The following ST6GALNAC3 variants were observed in gnomAD, a reference collection of about 807,000 sequenced individuals.
ST6GALNAC3 encodes the protein ST6 N-acetylgalactosaminide alpha-2,6-sialyltransferase 3.
ST6GALNAC3 carries 25 observed loss-of-function variants against 32.7 expected under a neutral mutation model. That is an observed-to-expected ratio of 0.76 (90% CI 0.56 to 1.07). The LOEUF (loss-of-function observed/expected upper bound fraction) is 1.07. ST6GALNAC3 is among the 50% of genes least tolerant of loss of function. The pLI is 0.00. For synonymous variants in ST6GALNAC3, 129 were observed against 133.1 expected (o/e 0.97, Z 0.21); for missense variants, 355 against 382.4 (o/e 0.93, Z 0.60).
At chr1:76,182,949 C>G (rs1016973039) in intron 1 of ST6GALNAC3, among the ~76,000 whole-genome samples, 4 of 151,936 alleles carry the variant, frequency 2.6e-5, no homozygotes, top group African/African-American at 9.7e-5. Flanking sequence ...GCAAAATTGT[C>G]CCATTTGAGA....
intron 1 of ST6GALNAC3, among the ~76,000 whole-genome samples, chr1:76,238,747 A>G (rs749830298): frequency 1.1e-4 from 17 of 152,166 alleles, no homozygotes; most frequent in Admixed American, 3.3e-4. Flanking sequence ...CTCAGGTGGA[A>G]GAGTTGAAGT....
At chr1:76,597,395 A>C (rs1156423305) in intron 3 of ST6GALNAC3, among the ~76,000 whole-genome samples, 1 of 152,038 alleles carries the variant, frequency 6.6e-6, no homozygotes, top group Admixed American at 6.6e-5. Flanking sequence ...ATTCTCCCCC[A>C]CACAGCCCAG....
At chr1:76,303,682 G>C (rs1357168678) in intron 1 of ST6GALNAC3, among the ~76,000 whole-genome samples, 1 of 151,986 alleles carries the variant, frequency 6.6e-6, no homozygotes, top group Admixed American at 6.6e-5. Context: ...TAGGATTCTA[G>C]CTTTAAGTGT....
chr1:76,310,499 C>G (rs902714851), intron 1 of ST6GALNAC3, among the ~76,000 whole-genome samples: 2 of 152,014 alleles, frequency 1.3e-5, no homozygotes, highest in African/African-American at 4.8e-5. Context: ...TGGGGCTTTT[C>G]CAAATTATGG....
chr1:76,471,926 C>A (rs1406036663), intron 3 of ST6GALNAC3, among the ~76,000 whole-genome samples: 1 of 151,858 alleles, frequency 6.6e-6, no homozygotes. Flanking sequence ...TGCTATTGAG[C>A]CATTGCTAAA....
intron 3 of ST6GALNAC3, among the ~76,000 whole-genome samples, chr1:76,441,075 G>GAC (rs1185708849): frequency 8.2e-6 from 1 of 122,656 alleles, no homozygotes; most frequent in Non-Finnish European, 1.6e-5. Flanking sequence ...GCGACAGAGT[G>GAC]AGACTATGTC....
At chr1:76,598,113 C>T (rs897790779) in intron 3 of ST6GALNAC3, among the ~76,000 whole-genome samples, 3 of 152,014 alleles carry the variant, frequency 2.0e-5, no homozygotes, top group Non-Finnish European at 4.4e-5. Context: ...CTTGCTGTGC[C>T]CTTCCATGGT....
At chr1:76,596,059 C>G (rs905506112) in intron 3 of ST6GALNAC3, among the ~76,000 whole-genome samples, 1 of 152,074 alleles carries the variant, frequency 6.6e-6, no homozygotes, top group African/African-American at 2.4e-5. Context: ...TAATGCGCGG[C>G]CAAGGCTGGG....
chr1:76,528,618 C>T (rs914936438), intron 3 of ST6GALNAC3, among the ~76,000 whole-genome samples: 1 of 151,784 alleles, frequency 6.6e-6, no homozygotes, highest in Non-Finnish European at 1.5e-5. Flanking sequence ...TTGAAAATGT[C>T]GTTTGTGGCT....
intron 1 of ST6GALNAC3, among the ~76,000 whole-genome samples, chr1:76,260,973 TACACACAC>T (rs59946768): frequency 5.5e-4 from 80 of 146,274 alleles, no homozygotes; most frequent in East Asian, 1.6e-3. Context: ...GAGGTTTTGA[TACACACAC>T]ACACACACAC....
At chr1:76,352,519 T>TA (rs1553183411) in intron 2 of ST6GALNAC3, among the ~76,000 whole-genome samples, 7 of 147,394 alleles carry the variant, frequency 4.7e-5, no homozygotes, top group African/African-American at 1.3e-4. Context: ...TTTTTTTTTT[T>TA]ACCTCCGGCC....
chr1:76,301,657 G>A (rs993176439), intron 1 of ST6GALNAC3, among the ~76,000 whole-genome samples: 11 of 151,760 alleles, frequency 7.2e-5, no homozygotes, highest in African/African-American at 1.9e-4. Flanking sequence ...CTTGTGTTTC[G>A]GTGAAAGACT....
At chr1:76,371,877 C>T (rs184536039) in intron 2 of ST6GALNAC3, among the ~76,000 whole-genome samples, 1 of 152,212 alleles carries the variant, frequency 6.6e-6, no homozygotes, top group East Asian at 1.9e-4. Flanking sequence ...AGTAATGAAT[C>T]TAATATATTA....
At chr1:76,452,534 A>T (rs1657485302) in intron 3 of ST6GALNAC3, among the ~76,000 whole-genome samples, 1 of 152,112 alleles carries the variant, frequency 6.6e-6, no homozygotes, top group African/African-American at 2.4e-5. Context: ...TATGGAGATG[A>T]TCATGTGATT....
chr1:76,174,663 C>CTTTTTTTT (rs59269306), intron 1 of ST6GALNAC3, among the ~76,000 whole-genome samples: 12 of 140,100 alleles, frequency 8.6e-5, no homozygotes, highest in Non-Finnish European at 1.1e-4. Flanking sequence ...TTTTTCTTTT[C>CTTTTTTTT]TTTTTTTTTT....
At chr1:76,147,462 T>C (rs571841509) in intron 1 of ST6GALNAC3, among the ~76,000 whole-genome samples, 28 of 152,318 alleles carry the variant, frequency 1.8e-4, no homozygotes, top group African/African-American at 4.8e-4. Context: ...TGCAAGACCA[T>C]GTGTGTTCTT....
rs532204708 is a variant in ST6GALNAC3 at position 76,542,105 on chromosome 1, A to G, written c.624-85347A>G. 3.9e-5 allele frequency among the ~76,000 whole-genome samples: 6 copies of G among 152,334 alleles called. No homozygotes were observed. In the South Asian group the frequency reaches 1.2e-3, roughly 32 times the overall value. ...ATATGTTCAAACAATCTCCAAATGA[A>G]TAGAAGAAAAAAATGCCCACAGAAG... On this transcript the variant is annotated intron_variant, in intron 3 of 4. Transcript: ENST00000328299.
chr1:76,518,486 A>G (rs977274240), intron 3 of ST6GALNAC3, among the ~76,000 whole-genome samples: 1 of 151,920 alleles, frequency 6.6e-6, no homozygotes, highest in Non-Finnish European at 1.5e-5. Context: ...TTATTTTATT[A>G]GGGTATTTTT....
rs1570054884 is a variant in ST6GALNAC3 at position 76,517,870 on chromosome 1, G to A, written c.623+105453G>A. ...TCGTTCTTTGTTTTTGCAGGAAGGA[G>A]GTGTTCATTTTTACTATTTATTTAT... is the stretch of plus-strand genomic sequence containing the variant. On this transcript the variant is annotated intron_variant, in intron 3 of 4. Transcript: ENST00000328299. Among the ~76,000 whole-genome samples, 2 of 151,880 alleles carry A rather than the reference G, an allele frequency of 1.3e-5. 1 individual carries two copies. Among genetic ancestry groups the A allele is most frequent in the African/African-American group, 4.8e-5 (2 of 41,376 alleles).
Sources: gnomAD v4.1 joint callset for allele counts (sites outside exome capture counted in the v4.1 genomes callset) on GRCh38, gnomAD v4.1.1 for gene constraint, MANE v1.5 for transcripts, NCBI Gene and HGNC (gene_info 2026-07-23, HGNC 2026-07-21) for gene names.